The following DNAJC3 variants were observed in gnomAD, a reference collection of about 807,000 sequenced individuals.
The protein encoded by DNAJC3 is DnaJ heat shock protein family (Hsp40) member C3.
In DNAJC3, 38 loss-of-function variants were observed where a neutral mutation model predicts 68.6. The ratio of observed to expected loss-of-function variants is 0.55; its 90% confidence interval spans 0.43 to 0.73. The LOEUF is 0.73. Among genes scored for constraint, DNAJC3 ranks in the 30% least tolerant of loss-of-function variants. The probability of loss-of-function intolerance (pLI) is 0.00; values close to 1 mark genes in which losing one functional copy is unlikely to be tolerated. For missense variants in DNAJC3, 526 were observed against 591.9 expected, an observed-to-expected ratio of 0.89 and a Z score of 1.16; for synonymous variants, 203 against 204.0, an observed-to-expected ratio of 1.00 and a Z score of 0.04.
intron 6 of DNAJC3, 37 bp from the exon 7 acceptor site, chr13:95,760,642 G>C (rs1882794475): frequency 6.3e-7 from 1 of 1,576,520 alleles, no homozygotes; most frequent in African/African-American, 1.4e-5. Flanking sequence ...TGATTGTTTT[G>C]ACATGGAGTA....
chr13:95,757,920 T>C, intron 5 of DNAJC3, 124 bp downstream of exon 5: 1 of 1,099,018 alleles, frequency 9.1e-7, no homozygotes, highest in Non-Finnish European at 1.2e-6. Context: ...CCTTGGGCTT[T>C]TGCCTCTTAA....
At chr13:95,726,134 T>TA in intron 4 of DNAJC3, among the ~76,000 whole-genome samples, 1 of 152,000 alleles carries the variant, frequency 6.6e-6, no homozygotes, top group East Asian at 1.9e-4. Context: ...GCAATAAACA[T>TA]ACGTGTGCAT....
At chr13:95,769,007 ATATC>A (rs1566509023) in intron 9 of DNAJC3, among the ~76,000 whole-genome samples, 1 of 101,428 alleles carries the variant, frequency 9.9e-6, no homozygotes, top group Non-Finnish European at 1.9e-5. Flanking sequence ...ATCTATATCT[ATATC>A]TATATCTATA....
intron 4 of DNAJC3, among the ~76,000 whole-genome samples, chr13:95,735,089 C>T (rs867941850): frequency 4.0e-5 from 6 of 150,320 alleles, no homozygotes; most frequent in South Asian, 2.1e-4. Flanking sequence ...TTTGTTCTTG[C>T]GATAGTTTAC....
intron 1 of DNAJC3, among the ~76,000 whole-genome samples, chr13:95,706,800 C>G (rs1244659178): frequency 1.3e-5 from 2 of 152,194 alleles, no homozygotes; most frequent in African/African-American, 4.8e-5. Context: ...ACTAATCTGT[C>G]CCCTTTCACA....
At chr13:95,783,875 T>C (rs1883520901) in intron 9 of DNAJC3, among the ~76,000 whole-genome samples, 1 of 152,178 alleles carries the variant, frequency 6.6e-6, no homozygotes, top group East Asian at 1.9e-4. Flanking sequence ...CAGGACTCTC[T>C]ACAAGGCCAG....
intron 4 of DNAJC3, among the ~76,000 whole-genome samples, chr13:95,752,830 G>A (rs1426423362): frequency 6.6e-6 from 1 of 152,104 alleles, no homozygotes; most frequent in Non-Finnish European, 1.5e-5. Flanking sequence ...TCAGAGAGTG[G>A]TTACTACTTT....
intron 1 of DNAJC3, among the ~76,000 whole-genome samples, chr13:95,705,171 C>T (rs1880698286): frequency 6.6e-6 from 1 of 152,082 alleles, no homozygotes; most frequent in South Asian, 2.1e-4. Context: ...TTTTTGAACC[C>T]ATTCATAATC....
rs755876560 is a variant in DNAJC3, at chr13:95,760,763, G to T, written c.813G>T (p.Leu271=). Residue 271 remains leucine, a synonymous_variant, in exon 7 of 12, where the codon CTG becomes CTT. Coordinates refer to ENST00000602402, the MANE Select transcript of DNAJC3 (RefSeq NM_006260.5). ...HYKQVKKLNK[L]IESAEELIRD... is the part of the protein sequence containing the mutation. ...AACAAGTAAAGAAACTTAATAAGCTGATTGAGTCAGCTGAAGAGCTCATCA... is the reference window on the plus strand; with the variant it reads ...AACAAGTAAAGAAACTTAATAAGCTTATTGAGTCAGCTGAAGAGCTCATCA... 2.5e-6 allele frequency: 4 copies of T among 1,612,442 alleles called. No individual in the cohort carries two copies. The highest frequency in any genetic ancestry group is 4.5e-5 in the East Asian group (2 of 44,758).
At chr13:95,774,208 A>G (rs1035277063) in intron 9 of DNAJC3, among the ~76,000 whole-genome samples, 9 of 152,200 alleles carry the variant, frequency 5.9e-5, no homozygotes, top group Admixed American at 3.9e-4. Flanking sequence ...AAATATAAGC[A>G]TTTAAAGTTG....
chr13:95,684,233 C>T (rs1880008726), intron 1 of DNAJC3, among the ~76,000 whole-genome samples: 1 of 152,152 alleles, frequency 6.6e-6, no homozygotes, highest in South Asian at 2.1e-4. Context: ...CTCAGAATGA[C>T]CGCAGATGAG....
At chr13:95,693,725 C>A (rs1329057951) in intron 1 of DNAJC3, 2 of 102,114 alleles carry the variant, frequency 2.0e-5, no homozygotes, top group African/African-American at 9.0e-5. Flanking sequence ...CTAAAATATC[C>A]ATTACAGACA....
chr13:95,706,700 A>G (rs1880761247), intron 1 of DNAJC3, among the ~76,000 whole-genome samples: 4 of 152,164 alleles, frequency 2.6e-5, no homozygotes. Context: ...CTGGTAAGGG[A>G]GACTCAGACG....
chr13:95,780,033 G>A (rs562553652), intron 9 of DNAJC3, among the ~76,000 whole-genome samples: 2 of 152,250 alleles, frequency 1.3e-5, no homozygotes, highest in Non-Finnish European at 2.9e-5. Context: ...CTGCATGTAA[G>A]GCGTGCTGGG....
rs1197526100 is a variant in DNAJC3, at chr13:95,738,142, A to T, written c.393+12890A>T. On this transcript the variant is annotated intron_variant, in intron 4 of 11. Coordinates refer to ENST00000602402, the MANE Select transcript of DNAJC3 (RefSeq NM_006260.5). ...ATGTAGTTGAGCAGTTTTGAGTGAG[A>T]TTCTTAATCCTGAGTTCTAGTTTGA... 1.0e-4 allele frequency among the ~76,000 whole-genome samples: 15 copies of T among 148,586 alleles called. No individual in the cohort carries two copies. In the East Asian group the frequency reaches 2.8e-3, roughly 27 times the overall value.
chr13:95,784,508 C>T (rs936534024), intron 9 of DNAJC3, among the ~76,000 whole-genome samples: 1 of 152,132 alleles, frequency 6.6e-6, no homozygotes, highest in African/African-American at 2.4e-5. Flanking sequence ...CAGGGAAGCT[C>T]GTTATAGACA....
chr13:95,738,985 T>C (rs112391526), intron 4 of DNAJC3, among the ~76,000 whole-genome samples: 4 of 152,322 alleles, frequency 2.6e-5, no homozygotes, highest in Middle Eastern at 3.4e-3. Flanking sequence ...CCATGTTTAG[T>C]GCTTCCTTCA....
rs764758052 is a variant in DNAJC3 at position 95,760,033 on chromosome 13, C to T, written c.547-7C>T. 6 of 1,569,334 alleles carry T rather than the reference C, an allele frequency of 3.8e-6. No homozygotes were observed. The Admixed American group carries it at 7.5e-5, about 20-fold the overall frequency. ...TTTCTTAAAGTCTAGTTCTTTTGTT[C>T]CTCAAGGTTTGTGTTTGGGATGCAG... On this transcript the variant is annotated splice_polypyrimidine_tract_variant and splice_region_variant and intron_variant, in intron 5 of 11. Coordinates refer to ENST00000602402, the MANE Select transcript of DNAJC3 (RefSeq NM_006260.5).
intron 9 of DNAJC3, among the ~76,000 whole-genome samples, chr13:95,779,418 C>T (rs1883389244): frequency 6.6e-6 from 1 of 152,102 alleles, no homozygotes; most frequent in African/African-American, 2.4e-5. Context: ...GCCATCGCGC[C>T]CGGCCTAATA....
Sources: gnomAD v4.1 joint callset for allele counts (sites outside exome capture counted in the v4.1 genomes callset) on GRCh38, gnomAD v4.1.1 for gene constraint, MANE v1.5 for transcripts, NCBI Gene and HGNC (gene_info 2026-07-23, HGNC 2026-07-21) for gene names.